TMIGD3: variants seen among roughly 807,000 people sequenced by gnomAD.
The protein encoded by TMIGD3 is AD026 protein (AD026).
TMIGD3 carries 21 observed loss-of-function variants against 28.1 expected under a neutral mutation model. The ratio of observed to expected loss-of-function variants is 0.75; its 90% CI spans 0.53 to 1.08. The LOEUF (loss-of-function observed/expected upper bound fraction) is 1.08. TMIGD3 is among the 50% of genes least tolerant of loss of function. TMIGD3 has a pLI of 0.00. For synonymous variants in TMIGD3, 151 were observed against 162.1 expected, an observed-to-expected ratio of 0.93 and a Z score of 0.52; for missense variants, 416 against 435.6, an observed-to-expected ratio of 0.96 and a Z score of 0.40.
chr1:111,490,458 TCA>T, intron 2 of TMIGD3, 196 bp downstream of exon 2: 1 of 568,528 alleles, frequency 1.8e-6, no homozygotes, highest in Non-Finnish European at 3.1e-6. Flanking sequence ...TTCAATTTCC[TCA>T]CAAACTCTCT....
intron 1 of TMIGD3, among the ~76,000 whole-genome samples, chr1:111,519,369 A>G (rs1369728793): frequency 6.6e-6 from 1 of 152,226 alleles, no homozygotes; most frequent in Non-Finnish European, 1.5e-5. Flanking sequence ...AAATAATGGC[A>G]GCACTTTGTG....
At chr1:111,492,807 C>T (rs1216171454) in intron 1 of TMIGD3, among the ~76,000 whole-genome samples, 3 of 95,630 alleles carry the variant, frequency 3.1e-5, no homozygotes, top group Admixed American at 1.3e-4. Flanking sequence ...GAGTGAGATG[C>T]TGTCTCAAAA....
chr1:111,516,284 C>A (rs1440869239), intron 1 of TMIGD3, among the ~76,000 whole-genome samples: 1 of 152,196 alleles, frequency 6.6e-6, no homozygotes, highest in Non-Finnish European at 1.5e-5. Flanking sequence ...AAAATAGCAC[C>A]CCCTCCAGGT....
intron 1 of TMIGD3, among the ~76,000 whole-genome samples, chr1:111,548,102 C>T (rs995945961): frequency 1.3e-5 from 2 of 152,226 alleles, no homozygotes; most frequent in African/African-American, 2.4e-5. Flanking sequence ...CTCACTGCAA[C>T]CTCCACCTCC....
At chr1:111,553,086 G>A (rs573096274) in intron 1 of TMIGD3, among the ~76,000 whole-genome samples, 1 of 152,260 alleles carries the variant, frequency 6.6e-6, no homozygotes, top group South Asian at 2.1e-4. Flanking sequence ...GACTTCTGCT[G>A]GGAAACAATT....
rs771798407 is a variant in TMIGD3 at position 111,490,757 on chromosome 1, C to G, written c.356G>C (p.Arg119Thr). ...YLRVKLTVRF[R>T]IPGLPGCILS... ...AATGCACCCAGGGAGCCCAGGAATT[C>G]TGAATCTGTTTAAGGGAAACAGATA... is the stretch of plus-strand genomic sequence containing the variant. The change falls in exon 2 of 6, where the codon AGA becomes ACA. Residue 119 changes from arginine (R) to threonine (T), a missense_variant. Transcript: ENST00000369716. The G allele has an allele frequency of 6.2e-7, 1 of 1,612,422 alleles. No individual in the cohort carries two copies. The highest frequency in any genetic ancestry group is 8.5e-7 in the Non-Finnish European group (1 of 1,178,784).
intron 1 of TMIGD3, among the ~76,000 whole-genome samples, chr1:111,525,966 A>C (rs563648248): frequency 6.6e-6 from 1 of 152,212 alleles, no homozygotes; most frequent in African/African-American, 2.4e-5. Context: ...TTTTAATTAG[A>C]TTTAATGTGA....
At chr1:111,487,213 G>A (rs981066746) in intron 3 of TMIGD3, among the ~76,000 whole-genome samples, 2 of 152,210 alleles carry the variant, frequency 1.3e-5, no homozygotes, top group Non-Finnish European at 2.9e-5. Context: ...AGGTGGGAAC[G>A]TTCTCTTGTC....
At chr1:111,504,639 C>T (rs1015750003), upstream of TMIGD3, among the ~76,000 whole-genome samples, 4 of 152,210 alleles carry the variant, frequency 2.6e-5, no homozygotes, top group Admixed American at 6.5e-5. Flanking sequence ...ATCATTTTTA[C>T]CTTAAGCATC....
chr1:111,500,752 G>A, intron 1 of TMIGD3: 1 of 594,392 alleles, frequency 1.7e-6, no homozygotes, highest in Non-Finnish European at 2.9e-6. Flanking sequence ...AAGACAAGAT[G>A]AGCAGACAAC....
At chr1:111,499,918 G>A (rs897809219) in intron 1 of TMIGD3, 9 of 1,603,680 alleles carry the variant, frequency 5.6e-6, no homozygotes, top group Non-Finnish European at 7.7e-6. Context: ...GAATCTGAAG[G>A]TCAATGAGAC....
chr1:111,511,669 C>T (rs1655694778), intron 1 of TMIGD3, among the ~76,000 whole-genome samples: 1 of 87,918 alleles, frequency 1.1e-5, no homozygotes, highest in South Asian at 4.0e-4. Context: ...TCAAATGGTG[C>T]CCTTTACACA....
chr1:111,489,575 G>C, intron 2 of TMIGD3: 1 of 1,087,692 alleles, frequency 9.2e-7, no homozygotes, highest in Non-Finnish European at 1.1e-6. Flanking sequence ...AGCAACTCTG[G>C]AGAAGTCCTT....
chr1:111,490,521 C>A, intron 2 of TMIGD3, 135 bp downstream of exon 2: 1 of 638,228 alleles, frequency 1.6e-6, no homozygotes, highest in Non-Finnish European at 2.8e-6. Context: ...TTTTCATCGC[C>A]TTTTATTTTC....
chr1:111,520,475 G>A (rs1165341923), intron 1 of TMIGD3, among the ~76,000 whole-genome samples: 1 of 152,210 alleles, frequency 6.6e-6, no homozygotes, highest in African/African-American at 2.4e-5. Flanking sequence ...TGGAAGATTA[G>A]GACTTTTACT....
intron 1 of TMIGD3, among the ~76,000 whole-genome samples, chr1:111,534,636 G>A (rs1201398769): frequency 6.6e-6 from 1 of 152,196 alleles, no homozygotes; most frequent in African/African-American, 2.4e-5. Context: ...GAAGTGGGAA[G>A]AACTGATCCC....
intron 1 of TMIGD3, among the ~76,000 whole-genome samples, chr1:111,502,079 TAATA>T (rs1376755121): frequency 4.7e-4 from 58 of 123,868 alleles, no homozygotes; most frequent in Middle Eastern, 4.3e-3. Context: ...ATATATATTA[TAATA>T]AATATATATA....
At chr1:111,494,153 C>T (rs773401913) in intron 1 of TMIGD3, among the ~76,000 whole-genome samples, 4 of 152,230 alleles carry the variant, frequency 2.6e-5, no homozygotes, top group African/African-American at 4.8e-5. Context: ...GGATTGCTAT[C>T]TTAAGCCAGA....
intron 1 of TMIGD3, 72 bp downstream of exon 1, chr1:111,502,933 G>T (rs1655316935): frequency 7.7e-6 from 12 of 1,554,450 alleles, no homozygotes; most frequent in Non-Finnish European, 1.0e-5. Context: ...TACTCAAAAA[G>T]TCTGGGCTCT....
Sources: gnomAD v4.1 joint callset for allele counts (sites outside exome capture counted in the v4.1 genomes callset) on GRCh38, gnomAD v4.1.1 for gene constraint, MANE v1.5 for transcripts, NCBI Gene and HGNC (gene_info 2026-07-23, HGNC 2026-07-21) for gene names.